The following SEMA5A variants were observed in gnomAD, a reference collection of about 807,000 sequenced individuals.
SEMA5A encodes the protein semaphorin-5A.
SEMA5A carries 55 observed loss-of-function variants against 135.5 expected under a neutral mutation model. The ratio of observed to expected loss-of-function variants is 0.41; its 90% confidence interval spans 0.33 to 0.51. The LOEUF (loss-of-function observed/expected upper bound fraction) is 0.51. Ranked by LOEUF, SEMA5A falls within the 20% of genes least tolerant of loss-of-function variation. The pLI is 0.37. For synonymous variants in SEMA5A, 580 were observed against 546.5 expected (o/e 1.06, Z -0.85); for missense variants, 1,290 against 1,419.9 (o/e 0.91, Z 1.47).
intron 1 of SEMA5A, among the ~76,000 whole-genome samples, chr5:9,459,564 G>T (rs897440134): frequency 6.6e-6 from 1 of 152,158 alleles, no homozygotes; most frequent in Non-Finnish European, 1.5e-5. Flanking sequence ...TCCTTCCCCA[G>T]CTGAGCATTC....
At chr5:9,459,125 A>G (rs1320692748) in intron 1 of SEMA5A, among the ~76,000 whole-genome samples, 1 of 152,238 alleles carries the variant, frequency 6.6e-6, no homozygotes. Flanking sequence ...TTTTAAAAAA[A>G]GTCCCATAAT....
chr5:9,118,965 G>A, intron 15 of SEMA5A, 33 bp downstream of exon 15: 1 of 1,606,792 alleles, frequency 6.2e-7, no homozygotes, highest in Non-Finnish European at 8.5e-7. Context: ...TAAGCGTGAG[G>A]CTGGCGGTGC....
chr5:9,062,997 C>T lies in SEMA5A; in HGVS notation c.2408G>A (p.Gly803Asp). ...GCAAACACGCTTCCGGTTCCGAATG[C>T]CCCTGCTGCAGTCACGGCTGCACTG... ...WSQCSRDCSR[G>D]IRNRKRVCNN... Residue 803 changes from glycine to aspartate, a missense_variant, in exon 18 of 23, where the codon GGC becomes GAC. By Grantham distance (94) the Gly-to-Asp change is moderately conservative. Around this residue, in one of 3 missense-constraint regions of SEMA5A, gnomAD observed 1,029 missense variants for 1,086.6 expected, o/e 0.95. Coordinates refer to ENST00000382496, the MANE Select transcript of SEMA5A (RefSeq NM_003966.3). The T allele has an allele frequency of 6.2e-7, 1 of 1,614,230 alleles. No individual in the cohort carries two copies. The highest frequency in any genetic ancestry group is 8.5e-7 in the Non-Finnish European group (1 of 1,180,038).
Position 9,289,010 on chromosome 5 carries a change from G to GTT in SEMA5A, c.270+29361_270+29362insAA, listed in dbSNP as rs891420779. Among the ~76,000 whole-genome samples, 34 of 152,142 alleles carry GTT rather than the reference G, an allele frequency of 2.2e-4. 1 individual carries two copies. ...CTAGCGTAGTGACATTGCCATTGAT[G>GTT]GTTTAAGCCTATTAGAGACCTGTGT... On this transcript the variant is annotated intron_variant, in intron 5 of 22. Coordinates refer to ENST00000382496, the MANE Select transcript of SEMA5A (RefSeq NM_003966.3).
intron 1 of SEMA5A, among the ~76,000 whole-genome samples, chr5:9,455,953 T>C (rs1301468149): frequency 1.3e-5 from 2 of 152,068 alleles, no homozygotes; most frequent in Non-Finnish European, 2.9e-5. Flanking sequence ...GGGGACACAT[T>C]ATGGAGAATC....
At chr5:9,245,982 A>G (rs1357836405) in intron 5 of SEMA5A, among the ~76,000 whole-genome samples, 1 of 150,652 alleles carries the variant, frequency 6.6e-6, no homozygotes, top group Non-Finnish European at 1.5e-5. Context: ...TTGAAAGAAG[A>G]ACATTAGAGA....
At chr5:9,121,140 T>C (rs1171703098) in intron 14 of SEMA5A, among the ~76,000 whole-genome samples, 3 of 152,142 alleles carry the variant, frequency 2.0e-5, no homozygotes, top group Non-Finnish European at 4.4e-5. Flanking sequence ...GTATATAGGG[T>C]AGTAACTAAA....
intron 4 of SEMA5A, among the ~76,000 whole-genome samples, chr5:9,327,912 GA>G (rs938459512): frequency 3.4e-4 from 52 of 151,526 alleles, no homozygotes; most frequent in African/African-American, 1.2e-3. Flanking sequence ...TTTTTCATTT[GA>G]AAAAAAATGC....
intron 1 of SEMA5A, among the ~76,000 whole-genome samples, chr5:9,443,766 G>C (rs1355608318): frequency 6.6e-6 from 1 of 152,270 alleles, no homozygotes; most frequent in Non-Finnish European, 1.5e-5. Flanking sequence ...AGGAGGGCCA[G>C]TTCCTGGCCA....
intron 1 of SEMA5A, among the ~76,000 whole-genome samples, chr5:9,489,304 C>T (rs1043747524): frequency 1.3e-5 from 2 of 151,992 alleles, no homozygotes; most frequent in Non-Finnish European, 2.9e-5. Flanking sequence ...ATGGCAGGTG[C>T]GGTGTTAGGC....
At chr5:9,197,509 G>A (rs1745460851) in intron 9 of SEMA5A, among the ~76,000 whole-genome samples, 1 of 152,202 alleles carries the variant, frequency 6.6e-6, no homozygotes, top group African/African-American at 2.4e-5. Flanking sequence ...AACCAGGCTA[G>A]TTAGCATTTA....
chr5:9,059,471 T>A (rs192320462), intron 18 of SEMA5A, among the ~76,000 whole-genome samples: 2 of 152,356 alleles, frequency 1.3e-5, no homozygotes, highest in African/African-American at 4.8e-5. Context: ...AACCTTATTA[T>A]AGTTTATTTA....
intron 1 of SEMA5A, among the ~76,000 whole-genome samples, chr5:9,539,223 A>T (rs1737945099): frequency 6.6e-6 from 1 of 152,204 alleles, no homozygotes; most frequent in Non-Finnish European, 1.5e-5. Flanking sequence ...TGTGGTCTTC[A>T]GTGACTGGCT....
At chr5:9,478,029 C>G (rs910551368) in intron 1 of SEMA5A, among the ~76,000 whole-genome samples, 1 of 152,168 alleles carries the variant, frequency 6.6e-6, no homozygotes, top group East Asian at 1.9e-4. Context: ...GCGCTGTATC[C>G]CAGCCACTCC....
intron 5 of SEMA5A, among the ~76,000 whole-genome samples, chr5:9,296,130 T>C (rs3777307): frequency 0.74 from 113,251 of 152,046 alleles, 43,537 homozygotes; most frequent in East Asian, 0.89. Flanking sequence ...GGATGTGTAA[T>C]TGGGGCAAGA....
At chr5:9,224,333 G>A (rs1176817221) in intron 8 of SEMA5A, among the ~76,000 whole-genome samples, 1 of 151,372 alleles carries the variant, frequency 6.6e-6, no homozygotes, top group African/African-American at 2.4e-5. Context: ...ACATAAAATG[G>A]AAGTTAAGAA....
At chr5:9,462,046 C>T (rs2126731016) in intron 1 of SEMA5A, among the ~76,000 whole-genome samples, 1 of 152,290 alleles carries the variant, frequency 6.6e-6, no homozygotes, top group Middle Eastern at 3.4e-3. Flanking sequence ...GGTGGCACTG[C>T]TATCTACAAC....
chr5:9,517,972 C>A (rs994103134), intron 1 of SEMA5A: 1 of 152,192 alleles, frequency 6.6e-6, no homozygotes, highest in Non-Finnish European at 1.5e-5. Context: ...TTAAAAGAAA[C>A]ATTTGCTTTC....
chr5:9,336,604 G>A (rs1301033865), intron 4 of SEMA5A, among the ~76,000 whole-genome samples: 2 of 152,204 alleles, frequency 1.3e-5, no homozygotes, highest in African/African-American at 4.8e-5. Context: ...AGAGGTGAAG[G>A]TAACTTGCTA....
Sources: gnomAD v4.1 joint callset for allele counts (sites outside exome capture counted in the v4.1 genomes callset) on GRCh38, gnomAD v4.1.1 for gene constraint, gnomAD v4.1.1 regional missense constraint, MANE v1.5 for transcripts, NCBI Gene and HGNC (gene_info 2026-07-23, HGNC 2026-07-21) for gene names.